The following HOMER1 variants were observed in gnomAD, a reference collection of about 807,000 sequenced individuals.
HOMER1 encodes the protein homer scaffold protein 1.
In HOMER1, 3 loss-of-function variants were observed where a neutral mutation model predicts 48.9. The observed-to-expected ratio is 0.06, with a 90% CI of 0.03 to 0.16. The LOEUF (loss-of-function observed/expected upper bound fraction) is 0.16, where lower values mean the gene tolerates loss of function less well. HOMER1 is among the 10% of genes least tolerant of loss of function. The pLI, the probability that HOMER1 is intolerant of heterozygous loss-of-function variation, is 1.00. For synonymous variants in HOMER1, 134 were observed against 146.4 expected, an observed-to-expected ratio of 0.92 and a Z score of 0.61; for missense variants, 247 against 411.4, an observed-to-expected ratio of 0.60 and a Z score of 3.46.
chr5:79,503,438 G>A (rs989011336), intron 1 of HOMER1, among the ~76,000 whole-genome samples: 1 of 148,668 alleles, frequency 6.7e-6, no homozygotes, highest in Non-Finnish European at 1.5e-5. Flanking sequence ...GCTGAGACAA[G>A]AGAATCACTT....
intron 2 of HOMER1, 125 bp downstream of exon 2, chr5:79,456,737 A>T: frequency 2.4e-6 from 2 of 845,428 alleles, no homozygotes; most frequent in Non-Finnish European, 3.6e-6. Flanking sequence ...TTTGTTTCTT[A>T]AAAGTTTTAA....
chr5:79,497,494 T>C (rs939191271), intron 1 of HOMER1, among the ~76,000 whole-genome samples: 2 of 145,412 alleles, frequency 1.4e-5, no homozygotes, highest in African/African-American at 5.6e-5. Flanking sequence ...TACTAAAAAA[T>C]AAATAAATAA....
At chr5:79,468,066 A>G (rs945345368) in intron 1 of HOMER1, among the ~76,000 whole-genome samples, 16 of 152,192 alleles carry the variant, frequency 1.1e-4, no homozygotes, top group African/African-American at 3.6e-4. Context: ...ATGAGCCACC[A>G]TGCCCAGCCT....
At position 79,441,233 on chromosome 5, in the gene HOMER1, CT is replaced by C. The variant is rs1750727158; in HGVS notation, c.388-2085del. Among the ~76,000 whole-genome samples, 11 of 152,230 alleles carry C rather than the reference CT, an allele frequency of 7.2e-5. 1 individual carries two copies. The South Asian group carries it at 2.3e-3, about 32-fold the overall frequency. Reference sequence around the variant, plus strand: ...ACTAGGGTTAGCAATTAAGGATTAACTCAGGGATTTGCTGGAACTGGTTGAC... The same window carrying C: ...ACTAGGGTTAGCAATTAAGGATTAACCAGGGATTTGCTGGAACTGGTTGAC... On this transcript the variant is annotated intron_variant, in intron 4 of 8. Transcript: ENST00000334082.
intron 5 of HOMER1, among the ~76,000 whole-genome samples, chr5:79,406,921 A>C (rs1300734931): frequency 1.8e-5 from 2 of 111,698 alleles, no homozygotes; most frequent in African/African-American, 1.2e-4. Flanking sequence ...CCCAAGACTG[A>C]GGCTGGACAA....
chr5:79,410,445 C>T (rs900230801), intron 5 of HOMER1, among the ~76,000 whole-genome samples: 2 of 145,812 alleles, frequency 1.4e-5, no homozygotes, highest in African/African-American at 2.6e-5. Context: ...GAGCTGATCA[C>T]ACCACTGCAT....
At chr5:79,447,926 T>C (rs1750927971) in intron 3 of HOMER1, among the ~76,000 whole-genome samples, 1 of 152,174 alleles carries the variant, frequency 6.6e-6, no homozygotes, top group African/African-American at 2.4e-5. Flanking sequence ...CAAATCCCTA[T>C]GCAACTTAAA....
chr5:79,500,055 G>A (rs1337782905), intron 1 of HOMER1, among the ~76,000 whole-genome samples: 1 of 152,198 alleles, frequency 6.6e-6, no homozygotes, highest in Non-Finnish European at 1.5e-5. Context: ...ATTGAGGTCT[G>A]CAGCTGTGGT....
chr5:79,381,125 G>A (rs1748959656), intron 8 of HOMER1, among the ~76,000 whole-genome samples: 1 of 151,448 alleles, frequency 6.6e-6, no homozygotes, highest in African/African-American at 2.4e-5. Flanking sequence ...TGGCCCACTG[G>A]TACCACCATC....
intron 8 of HOMER1, among the ~76,000 whole-genome samples, chr5:79,386,725 T>C (rs1749119540): frequency 6.6e-6 from 1 of 152,150 alleles, no homozygotes; most frequent in East Asian, 1.9e-4. Flanking sequence ...ATCACATGTA[T>C]CCCATAAATA....
chr5:79,477,935 T>C (rs192274322), intron 1 of HOMER1, among the ~76,000 whole-genome samples: 102 of 152,238 alleles, frequency 6.7e-4, no homozygotes, highest in Non-Finnish European at 1.2e-3. Context: ...GATGAAGGCA[T>C]ACCTAAAGGT....
chr5:79,492,907 C>CTTTTT (rs558428061), intron 1 of HOMER1, among the ~76,000 whole-genome samples: 1 of 84,032 alleles, frequency 1.2e-5, no homozygotes, highest in East Asian at 4.0e-4. Flanking sequence ...AAAACTTTGT[C>CTTTTT]TTTTTTTTTT....
chr5:79,399,766 A>C (rs1463104405), intron 6 of HOMER1, among the ~76,000 whole-genome samples: 1 of 152,142 alleles, frequency 6.6e-6, no homozygotes, highest in African/African-American at 2.4e-5. Flanking sequence ...CTGAAAAAAC[A>C]GTAAAATGTA....
intron 5 of HOMER1, among the ~76,000 whole-genome samples, chr5:79,412,810 G>A (rs973961743): frequency 9.9e-5 from 15 of 152,130 alleles, no homozygotes; most frequent in Non-Finnish European, 1.9e-4. Context: ...TTCAATAAAC[G>A]TCAGTGACGA....
chr5:79,427,887 T>C (rs1750315454), intron 5 of HOMER1, among the ~76,000 whole-genome samples: 1 of 151,940 alleles, frequency 6.6e-6, no homozygotes, highest in Non-Finnish European at 1.5e-5. Flanking sequence ...AGAAACAAAT[T>C]AAAGGAAAAA....
chr5:79,428,619 A>T (rs924561908), intron 5 of HOMER1, among the ~76,000 whole-genome samples: 3 of 152,224 alleles, frequency 2.0e-5, no homozygotes, highest in African/African-American at 7.2e-5. Context: ...ACTACACAAC[A>T]ATCATCCTTC....
chr5:79,387,380 C>T (rs1749145781), intron 8 of HOMER1, among the ~76,000 whole-genome samples: 2 of 152,070 alleles, frequency 1.3e-5, no homozygotes, highest in African/African-American at 4.8e-5. Context: ...CCTTCTGCTT[C>T]AGCCTCCCAA....
At chr5:79,457,575 T>C (rs1751207084) in intron 1 of HOMER1, among the ~76,000 whole-genome samples, 1 of 152,212 alleles carries the variant, frequency 6.6e-6, no homozygotes, top group Non-Finnish European at 1.5e-5. Flanking sequence ...GGAGAAAATA[T>C]GTGTTAGATA....
At chr5:79,439,208 T>C in intron 4 of HOMER1, 59 bp from the exon 5 acceptor site, 1 of 1,565,844 alleles carries the variant, frequency 6.4e-7, no homozygotes. Context: ...GTACACAATA[T>C]CATCTTGAGG....
Sources: gnomAD v4.1 joint callset for allele counts (sites outside exome capture counted in the v4.1 genomes callset) on GRCh38, gnomAD v4.1.1 for gene constraint, MANE v1.5 for transcripts, NCBI Gene and HGNC (gene_info 2026-07-23, HGNC 2026-07-21) for gene names.